Variants in KALRN observed in about 807,000 individuals in gnomAD.
KALRN encodes kalirin.
In KALRN, 70 loss-of-function variants were observed where a neutral mutation model predicts 353.7. The observed-to-expected ratio is 0.20, with a 90% CI of 0.16 to 0.24. The LOEUF is 0.24. Among genes scored for constraint, KALRN ranks in the 10% least tolerant of loss-of-function variants. The probability of loss-of-function intolerance (pLI) is 1.00; values close to 1 mark genes in which losing one functional copy is unlikely to be tolerated. For synonymous variants in KALRN, 1,391 were observed against 1,434.8 expected (o/e 0.97, Z 0.69); for missense variants, 2,791 against 3,756.7 (o/e 0.74, Z 6.72).
At position 124,444,534 on chromosome 3, in the gene KALRN, G is replaced by A. The variant is rs576563509; in HGVS notation, c.3314-1627G>A. Among the ~76,000 whole-genome samples, 8 of 152,010 alleles carry A rather than the reference G, an allele frequency of 5.3e-5. No individual in the cohort carries two copies. The East Asian group carries it at 1.2e-3, about 22-fold the overall frequency. On this transcript the variant is annotated intron_variant, in intron 19 of 59. Coordinates refer to ENST00000682506, the MANE Select transcript of KALRN (RefSeq NM_001388419.1). ...CAAAAAAGGCTGAGCACGGTGGCTC[G>A]CGCCTGTAATCCTAGCACTTTGGGA...
intron 1 of KALRN, among the ~76,000 whole-genome samples, chr3:124,192,686 G>T (rs1360594583): frequency 6.6e-6 from 1 of 152,104 alleles, no homozygotes; most frequent in Non-Finnish European, 1.5e-5. Flanking sequence ...AATAAAAAAG[G>T]GGATATTGTA....
chr3:124,453,437 G>T lies in KALRN; in HGVS notation c.3553-1740G>T, dbSNP rs1226838009. Among the ~76,000 whole-genome samples the T allele has an allele frequency of 3.3e-5, 5 of 152,136 alleles. No individual in the cohort carries two copies. The East Asian group carries it at 9.6e-4, about 29-fold the overall frequency. ...AGCACTCTCAACTCTCCTCTCTGAC[G>T]CCCTCTTTCTCCAGCATTTCTTGGG... On this transcript the variant is annotated intron_variant, in intron 21 of 59. Coordinates refer to ENST00000682506, the MANE Select transcript of KALRN (RefSeq NM_001388419.1).
chr3:124,368,888 A>G (rs1285469576), intron 10 of KALRN, among the ~76,000 whole-genome samples: 2 of 152,210 alleles, frequency 1.3e-5, no homozygotes, highest in African/African-American at 2.4e-5. Context: ...GCGAAACCCC[A>G]TCTCCACCAA....
At chr3:124,432,401 G>A (rs2093313642) in intron 16 of KALRN, among the ~76,000 whole-genome samples, 1 of 152,138 alleles carries the variant, frequency 6.6e-6, no homozygotes, top group Non-Finnish European at 1.5e-5. Flanking sequence ...GTAATAGAGT[G>A]AGACCCTGTC....
intron 33 of KALRN, among the ~76,000 whole-genome samples, chr3:124,552,239 G>T (rs1359477566): frequency 6.6e-6 from 1 of 152,134 alleles, no homozygotes. Flanking sequence ...TTCTGAACAC[G>T]AATCTGTAAG....
intron 3 of KALRN, among the ~76,000 whole-genome samples, chr3:124,247,279 A>C (rs2070427456): frequency 1.3e-5 from 2 of 152,156 alleles, no homozygotes; most frequent in Admixed American, 1.3e-4. Context: ...TCCTCATTAA[A>C]TCTGGGATTT....
At chr3:124,190,584 G>A (rs1053156106) in intron 1 of KALRN, among the ~76,000 whole-genome samples, 5 of 152,198 alleles carry the variant, frequency 3.3e-5, no homozygotes, top group African/African-American at 1.2e-4. Context: ...CAGTGAAGAT[G>A]ACTTATCTTT....
chr3:124,487,147 T>C (rs1357046212), intron 28 of KALRN, among the ~76,000 whole-genome samples: 1 of 152,172 alleles, frequency 6.6e-6, no homozygotes, highest in Non-Finnish European at 1.5e-5. Context: ...TGCTTAACCA[T>C]TCCCTTCTCA....
In KALRN at chr3:124,402,965, C is replaced by T. The variant is rs369122549; in HGVS notation, c.2346+4094C>T. ...CAAACTGCAGTTTCTTTGCAGGAAACTCGTTAAACCACGTGTCTTTTTGTG... is the reference window on the plus strand; with the variant it reads ...CAAACTGCAGTTTCTTTGCAGGAAATTCGTTAAACCACGTGTCTTTTTGTG... On this transcript the variant is annotated intron_variant, in intron 13 of 59. Coordinates refer to ENST00000682506, the MANE Select transcript of KALRN (RefSeq NM_001388419.1). Among the ~76,000 whole-genome samples the T allele has an allele frequency of 8.5e-4, 129 of 152,294 alleles. 5 individuals carry two copies. The South Asian group carries it at 0.023, about 27-fold the overall frequency.
intron 33 of KALRN, among the ~76,000 whole-genome samples, chr3:124,561,540 A>G (rs762999082): frequency 2.6e-5 from 4 of 152,026 alleles, no homozygotes; most frequent in Non-Finnish European, 4.4e-5. Flanking sequence ...TTAATTATCT[A>G]CTCACTGTGG....
chr3:124,157,567 G>A (rs921447310), intron 1 of KALRN, among the ~76,000 whole-genome samples: 1 of 152,186 alleles, frequency 6.6e-6, no homozygotes, highest in Non-Finnish European at 1.5e-5. Flanking sequence ...CAGATTCAAT[G>A]TATAAATACC....
intron 33 of KALRN, among the ~76,000 whole-genome samples, chr3:124,524,505 G>A (rs889377254): frequency 6.6e-6 from 1 of 152,196 alleles, no homozygotes; most frequent in Non-Finnish European, 1.5e-5. Flanking sequence ...CAGTGTGAAT[G>A]TGGTTTTGCT....
At chr3:124,492,923 GCT>G (rs1372117489) in intron 32 of KALRN, 41 bp downstream of exon 32, 2 of 1,601,470 alleles carry the variant, frequency 1.2e-6, no homozygotes, top group Admixed American at 3.4e-5. Context: ...TGCCTCACAG[GCT>G]TCCGGGTGCG....
At chr3:124,637,365 C>T in intron 37 of KALRN, 62 bp downstream of exon 37, 2 of 1,197,846 alleles carry the variant, frequency 1.7e-6, no homozygotes, top group Admixed American at 3.4e-5. Flanking sequence ...TCCAGGCTTG[C>T]ATCTGTCTGC....
At chr3:124,034,210 C>T (rs565284213) in intron 1 of KALRN, among the ~76,000 whole-genome samples, 7 of 152,270 alleles carry the variant, frequency 4.6e-5, no homozygotes, top group Non-Finnish European at 8.8e-5. Flanking sequence ...GCGGGGCTCC[C>T]GGCGGCCGCC....
At chr3:124,636,986 C>A (rs2081418857) in intron 36 of KALRN, 1 of 553,746 alleles carries the variant, frequency 1.8e-6, no homozygotes, top group East Asian at 3.1e-5. Context: ...TAAGGATAGC[C>A]TAGTACCATC....
At chr3:124,653,550 T>C (rs1187441364) in intron 38 of KALRN, among the ~76,000 whole-genome samples, 1 of 152,120 alleles carries the variant, frequency 6.6e-6, no homozygotes, top group Non-Finnish European at 1.5e-5. Flanking sequence ...ATCCAGAGAA[T>C]AAATGAGGCC....
intron 47 of KALRN, among the ~76,000 whole-genome samples, chr3:124,667,807 G>A (rs1391092046): frequency 6.6e-6 from 1 of 152,180 alleles, no homozygotes; most frequent in African/African-American, 2.4e-5. Flanking sequence ...GAACTGGAGT[G>A]AAGTAGAGTT....
intron 44 of KALRN, among the ~76,000 whole-genome samples, chr3:124,661,233 G>A (rs1190221008): frequency 6.6e-6 from 1 of 152,220 alleles, no homozygotes; most frequent in Non-Finnish European, 1.5e-5. Context: ...GTGACACATA[G>A]TGGGAAAGGG....
Sources: allele counts gnomAD v4.1 joint callset (sites outside exome capture counted in the v4.1 genomes callset), GRCh38; gene constraint gnomAD v4.1.1; transcripts MANE v1.5; gene names NCBI Gene and HGNC (gene_info 2026-07-23, HGNC 2026-07-21).